CCSER1: variants seen among roughly 807,000 people sequenced by gnomAD.
The protein encoded by CCSER1 is coiled-coil serine rich protein 1.
In CCSER1, 41 loss-of-function variants were observed where a neutral mutation model predicts 82.0. That is an observed-to-expected ratio of 0.50 (90% CI 0.39 to 0.65). The LOEUF (loss-of-function observed/expected upper bound fraction) is 0.65. CCSER1 is among the 30% of genes least tolerant of loss of function. The probability of loss-of-function intolerance (pLI) is 0.00; values close to 1 mark genes in which losing one functional copy is unlikely to be tolerated. For synonymous variants in CCSER1, 414 were observed against 383.9 expected (o/e 1.08, Z -0.92); for missense variants, 1,119 against 1,064.2 (o/e 1.05, Z -0.72).
chr4:90,562,054 G>A lies in CCSER1; in HGVS notation c.1725-65971G>A, dbSNP rs535338864. 3.9e-5 allele frequency among the ~76,000 whole-genome samples: 6 copies of A among 152,104 alleles called. No homozygotes were observed. The East Asian group carries it at 1.2e-3, about 29-fold the overall frequency. ...ATATACCAAATGTTAGCCGGGCATA[G>A]TGGCGAGTGCCTGTAATACCAGCTA... On this transcript the variant is annotated intron_variant, in intron 5 of 10. Coordinates refer to ENST00000509176, the MANE Select transcript of CCSER1 (RefSeq NM_001145065.2).
chr4:90,448,650 T>C (rs1384240869), intron 4 of CCSER1, among the ~76,000 whole-genome samples: 2 of 151,748 alleles, frequency 1.3e-5, no homozygotes, highest in Admixed American at 6.6e-5. Flanking sequence ...TTTTTCTGTA[T>C]CATTTAGGTA....
At chr4:90,506,124 T>C (rs1770645134) in intron 5 of CCSER1, among the ~76,000 whole-genome samples, 2 of 152,212 alleles carry the variant, frequency 1.3e-5, no homozygotes, top group African/African-American at 4.8e-5. Flanking sequence ...TGAATTAGTG[T>C]ATGAGCACAA....
chr4:90,339,149 C>T (rs183078223), intron 3 of CCSER1, among the ~76,000 whole-genome samples: 16 of 152,270 alleles, frequency 1.1e-4, no homozygotes, highest in South Asian at 6.2e-4. Context: ...CAACTTTCCC[C>T]GTTACTCATG....
At chr4:90,392,058 A>G (rs2153539258) in intron 3 of CCSER1, among the ~76,000 whole-genome samples, 1 of 152,084 alleles carries the variant, frequency 6.6e-6, no homozygotes, top group Middle Eastern at 3.4e-3. Context: ...TGTTAGTTCT[A>G]CTTTGTCATG....
chr4:91,238,906 C>T (rs1739231284), intron 10 of CCSER1, among the ~76,000 whole-genome samples: 4 of 152,104 alleles, frequency 2.6e-5, no homozygotes, highest in Admixed American at 1.3e-4. Flanking sequence ...TCACCGCAAC[C>T]TCTGCCTCCA....
chr4:90,886,871 G>A (rs1478524022), intron 8 of CCSER1, among the ~76,000 whole-genome samples: 1 of 152,088 alleles, frequency 6.6e-6, no homozygotes, highest in Non-Finnish European at 1.5e-5. Context: ...TAATCCTCAT[G>A]GGGTCAGAAA....
intron 3 of CCSER1, among the ~76,000 whole-genome samples, chr4:90,385,373 T>C (rs1291925062): frequency 6.6e-6 from 1 of 151,940 alleles, no homozygotes; most frequent in Non-Finnish European, 1.5e-5. Context: ...CCTTTTTTTT[T>C]TTTAACCATA....
At chr4:91,227,341 T>C (rs1227508122) in intron 10 of CCSER1, among the ~76,000 whole-genome samples, 1 of 151,430 alleles carries the variant, frequency 6.6e-6, no homozygotes, top group Non-Finnish European at 1.5e-5. Flanking sequence ...TAAAATAGAG[T>C]ACAAAAATGA....
At chr4:91,182,070 C>T (rs1734086473) in intron 10 of CCSER1, among the ~76,000 whole-genome samples, 1 of 152,202 alleles carries the variant, frequency 6.6e-6, no homozygotes, top group Admixed American at 6.5e-5. Context: ...CTTTCACCAT[C>T]TGTGACAGCT....
intron 10 of CCSER1, among the ~76,000 whole-genome samples, chr4:91,246,335 T>G (rs1739771941): frequency 6.6e-6 from 1 of 152,166 alleles, no homozygotes; most frequent in Non-Finnish European, 1.5e-5. Context: ...TTTGCAAGCC[T>G]CATTTTAGCC....
intron 10 of CCSER1, among the ~76,000 whole-genome samples, chr4:91,476,000 T>C (rs890773169): frequency 1.3e-5 from 2 of 151,872 alleles, no homozygotes; most frequent in African/African-American, 4.8e-5. Flanking sequence ...TTGAATAATA[T>C]ATTATTGTGT....
At chr4:91,084,513 G>A (rs1280659483) in intron 9 of CCSER1, among the ~76,000 whole-genome samples, 1 of 145,626 alleles carries the variant, frequency 6.9e-6, no homozygotes. Flanking sequence ...TTAAAATTAT[G>A]TCAGTCTGAA....
intron 5 of CCSER1, among the ~76,000 whole-genome samples, chr4:90,478,403 T>A (rs1765390580): frequency 6.6e-6 from 1 of 152,328 alleles, no homozygotes; most frequent in Admixed American, 6.5e-5. Context: ...TCTATCATTT[T>A]CTTTTTGAAA....
At chr4:90,209,970 A>G (rs1739650715) in intron 1 of CCSER1, among the ~76,000 whole-genome samples, 1 of 151,970 alleles carries the variant, frequency 6.6e-6, no homozygotes, top group Non-Finnish European at 1.5e-5. Context: ...TTTGTCTGTT[A>G]TTAAAATTTC....
intron 5 of CCSER1, among the ~76,000 whole-genome samples, chr4:90,601,658 C>T (rs1270727051): frequency 1.4e-5 from 2 of 147,810 alleles, no homozygotes; most frequent in East Asian, 2.0e-4. Context: ...TTTTTTGAGA[C>T]CTTATTTTTT....
intron 5 of CCSER1, among the ~76,000 whole-genome samples, chr4:90,494,679 T>G (rs1472736011): frequency 1.3e-5 from 2 of 152,200 alleles, no homozygotes; most frequent in Non-Finnish European, 2.9e-5. Context: ...CTGCAACGTA[T>G]CTGGTATAGT....
chr4:90,587,926 G>C (rs1246240516), intron 5 of CCSER1, among the ~76,000 whole-genome samples: 1 of 152,170 alleles, frequency 6.6e-6, no homozygotes, highest in African/African-American at 2.4e-5. Flanking sequence ...TAAAATAAAT[G>C]TCATACAAAT....
chr4:91,090,899 T>C (rs1389347359), intron 10 of CCSER1, among the ~76,000 whole-genome samples: 1 of 152,180 alleles, frequency 6.6e-6, no homozygotes, highest in African/African-American at 2.4e-5. Flanking sequence ...ATACGTACTC[T>C]CCTTTTCTCC....
At chr4:90,396,801 TTTTC>T (rs375479076) in intron 3 of CCSER1, among the ~76,000 whole-genome samples, 1,572 of 152,096 alleles carry the variant, frequency 0.01, 17 homozygotes, top group South Asian at 0.031. Context: ...GTCTTTCTTC[TTTTC>T]TTTCTTTCTT....
Sources: gnomAD v4.1 joint callset for allele counts (sites outside exome capture counted in the v4.1 genomes callset) on GRCh38, gnomAD v4.1.1 for gene constraint, MANE v1.5 for transcripts, NCBI Gene and HGNC (gene_info 2026-07-23, HGNC 2026-07-21) for gene names.